MDGA2: variants seen among roughly 807,000 people sequenced by gnomAD.
MDGA2 encodes MAM domain-containing glycosylphosphatidylinositol anchor protein 2.
In MDGA2, 40 loss-of-function variants were observed where a neutral mutation model predicts 117.8. The observed-to-expected ratio is 0.34, with a 90% CI of 0.26 to 0.44. The LOEUF (loss-of-function observed/expected upper bound fraction) is 0.44, where lower values mean the gene tolerates loss of function less well. MDGA2 is among the 20% of genes least tolerant of loss of function. The pLI is 1.00. For synonymous variants in MDGA2, 452 were observed against 439.0 expected (o/e 1.03, Z -0.37); for missense variants, 1,123 against 1,250.6 (o/e 0.90, Z 1.54).
At chr14:47,252,412 A>G (rs2139645850) in intron 2 of MDGA2, among the ~76,000 whole-genome samples, 1 of 152,330 alleles carries the variant, frequency 6.6e-6, no homozygotes, top group Non-Finnish European at 1.5e-5. Context: ...CCTTCTCAAA[A>G]AGAACAAAAG....
chr14:47,368,551 C>A (rs11625301), intron 1 of MDGA2, among the ~76,000 whole-genome samples: 3 of 151,960 alleles, frequency 2.0e-5, no homozygotes, highest in Non-Finnish European at 4.4e-5. Context: ...TTATGCTTTG[C>A]GGGGGCAAGA....
intron 1 of MDGA2, among the ~76,000 whole-genome samples, chr14:47,525,828 C>T (rs991658256): frequency 1.3e-5 from 2 of 150,426 alleles, no homozygotes; most frequent in African/African-American, 4.9e-5. Flanking sequence ...AGTGTACAGA[C>T]TTTGGATTTG....
intron 2 of MDGA2, among the ~76,000 whole-genome samples, chr14:47,286,813 A>ATATATATATACATATATATATG: frequency 8.5e-6 from 1 of 117,304 alleles, no homozygotes; most frequent in African/African-American, 2.9e-5. Context: ...TTATATATAT[A>ATATATATATACATATATATATG]TATATATATA....
At chr14:47,385,026 G>C (rs1309284485) in intron 1 of MDGA2, among the ~76,000 whole-genome samples, 1 of 152,126 alleles carries the variant, frequency 6.6e-6, no homozygotes, top group Non-Finnish European at 1.5e-5. Context: ...AGTTCTAACT[G>C]TGTTATTACC....
At chr14:46,886,152 T>C (rs1006509226) in intron 10 of MDGA2, among the ~76,000 whole-genome samples, 3 of 152,156 alleles carry the variant, frequency 2.0e-5, no homozygotes, top group Admixed American at 6.6e-5. Context: ...GGTATAAGTT[T>C]GGAGAGTAAT....
intron 5 of MDGA2, among the ~76,000 whole-genome samples, chr14:47,112,151 AAAGAT>A (rs71448169): frequency 0.17 from 25,468 of 152,100 alleles, 2,354 homozygotes; most frequent in African/African-American, 0.23. Flanking sequence ...GAGAGGAAAG[AAAGAT>A]AAAAGAAATG....
At chr14:47,373,090 T>A (rs533795664) in intron 1 of MDGA2, among the ~76,000 whole-genome samples, 2 of 152,228 alleles carry the variant, frequency 1.3e-5, no homozygotes, top group South Asian at 4.1e-4. Flanking sequence ...TATATGTTTA[T>A]AAGCATTCAA....
At chr14:47,155,888 CTTTTTTTTTTTTTTTTTTTTTTTT>C (rs55827732) in intron 3 of MDGA2, among the ~76,000 whole-genome samples, 23 of 40,194 alleles carry the variant, frequency 5.7e-4, no homozygotes, top group South Asian at 2.9e-3. Context: ...TCTTCTTCTT[CTTTTTTTTTTTTTTTTTTTTTTTT>C]TTTTTTTTTT....
In MDGA2 at chr14:47,672,266, C is replaced by T. The variant is rs546616608; in HGVS notation, c.280+2251G>A. On this transcript the variant is annotated intron_variant, in intron 1 of 16. Coordinates refer to ENST00000399232, the MANE Select transcript of MDGA2 (RefSeq NM_001113498.3). ...TTTTTCACACAAAAACAATTCTATT[C>T]CTGGCTACATGACTAATAACCACAT... is the stretch of plus-strand genomic sequence containing the variant. Among the ~76,000 whole-genome samples, 6 of 152,302 alleles carry T rather than the reference C, an allele frequency of 3.9e-5. No individual in the cohort carries two copies. In the South Asian group the frequency reaches 1.2e-3, roughly 32 times the overall value.
chr14:47,035,017 C>T lies in MDGA2; in HGVS notation c.1813G>A (p.Val605Ile), dbSNP rs774015365. ...TAAAAGGGAATTTACTTACACTGAA[C>T]GATGAGCTGCACCAAGGCTTCCCTT... is the stretch of plus-strand genomic sequence containing the variant. ...KPREALVQLI[V>I]QYPPAVEPAF... Residue 605 changes from valine to isoleucine, a missense_variant, in exon 8 of 17, where the codon GTT becomes ATT. Val to Ile is a conservative substitution (Grantham distance 29, BLOSUM62 3). Around this residue, in one of 2 missense-constraint regions of MDGA2, gnomAD observed 890 missense variants for 1,050.3 expected, o/e 0.85. Transcript: ENST00000399232. The T allele has an allele frequency of 7.4e-6, 12 of 1,611,416 alleles. No homozygotes were observed. Among genetic ancestry groups the T allele is most frequent in the East Asian group, 2.2e-5 (1 of 44,860 alleles).
At chr14:47,058,895 C>T (rs1011492509) in intron 7 of MDGA2, 5 of 981,218 alleles carry the variant, frequency 5.1e-6, no homozygotes, top group Non-Finnish European at 4.8e-6. Context: ...CCCAAATTTG[C>T]TTTAATGCTT....
intron 6 of MDGA2, among the ~76,000 whole-genome samples, chr14:47,073,595 T>A (rs532796161): frequency 6.6e-6 from 1 of 152,150 alleles, no homozygotes; most frequent in Non-Finnish European, 1.5e-5. Flanking sequence ...GGGAAAAGTA[T>A]AGAAACCAAA....
intron 1 of MDGA2, among the ~76,000 whole-genome samples, chr14:47,601,111 A>G (rs1399750533): frequency 6.6e-6 from 1 of 152,162 alleles, no homozygotes; most frequent in Non-Finnish European, 1.5e-5. Context: ...TAATTTAACA[A>G]ATATTTTTGA....
intron 1 of MDGA2, among the ~76,000 whole-genome samples, chr14:47,611,552 G>C (rs938125476): frequency 6.6e-6 from 1 of 152,006 alleles, no homozygotes; most frequent in Non-Finnish European, 1.5e-5. Flanking sequence ...CTAAGGACAA[G>C]AAGAGACAAT....
chr14:46,938,278 C>A (rs914240237), intron 9 of MDGA2, among the ~76,000 whole-genome samples: 2 of 151,896 alleles, frequency 1.3e-5, no homozygotes, highest in African/African-American at 4.8e-5. Context: ...GTGGCTCATG[C>A]CTGTAATCCC....
chr14:46,934,013 A>G (rs1357782392), intron 9 of MDGA2, among the ~76,000 whole-genome samples: 1 of 151,562 alleles, frequency 6.6e-6, no homozygotes, highest in Non-Finnish European at 1.5e-5. Flanking sequence ...AAATAAGTTT[A>G]GTTAAGAATC....
intron 1 of MDGA2, among the ~76,000 whole-genome samples, chr14:47,648,863 T>C (rs1046440920): frequency 2.4e-4 from 37 of 152,104 alleles, no homozygotes; most frequent in African/African-American, 8.4e-4. Context: ...TCTTAAACCA[T>C]ATTTAAACAG....
chr14:47,307,702 G>A (rs1354915865), intron 1 of MDGA2, among the ~76,000 whole-genome samples: 1 of 150,388 alleles, frequency 6.6e-6, no homozygotes, highest in Non-Finnish European at 1.5e-5. Flanking sequence ...AAAAAAAAAG[G>A]CAGGAAAAAA....
chr14:46,867,238 T>C (rs2138343330), intron 14 of MDGA2, among the ~76,000 whole-genome samples: 1 of 152,306 alleles, frequency 6.6e-6, no homozygotes, highest in East Asian at 1.9e-4. Context: ...TCATGTACTT[T>C]GTAAGGACAT....
Sources: allele counts gnomAD v4.1 joint callset (sites outside exome capture counted in the v4.1 genomes callset), GRCh38; gene constraint gnomAD v4.1.1; regional missense constraint gnomAD v4.1.1; transcripts MANE v1.5; gene names NCBI Gene and HGNC (gene_info 2026-07-23, HGNC 2026-07-21).